Variants in GLCCI1 observed in about 807,000 individuals in gnomAD.
GLCCI1 encodes the protein glucocorticoid induced 1, also known as glucocorticoid-induced transcript 1 protein.
Under a neutral mutation model 52.2 loss-of-function variants are expected in GLCCI1, and 24 were observed. That is an observed-to-expected ratio of 0.46 (90% CI 0.33 to 0.65). The LOEUF (loss-of-function observed/expected upper bound fraction) is 0.65. GLCCI1 is among the 30% of genes least tolerant of loss of function. GLCCI1 has a pLI of 0.02. For synonymous variants in GLCCI1, 310 were observed against 276.5 expected (o/e 1.12, Z -1.20); for missense variants, 704 against 701.5 (o/e 1.00, Z -0.04).
chr7:8,028,569 A>T lies in GLCCI1; in HGVS notation c.696+6000A>T, dbSNP rs551247142. Among the ~76,000 whole-genome samples, 4 of 152,170 alleles carry T rather than the reference A, an allele frequency of 2.6e-5. No individual in the cohort carries two copies. The East Asian group carries it at 7.7e-4, about 29-fold the overall frequency. On this transcript the variant is annotated intron_variant, in intron 3 of 7. Coordinates refer to ENST00000223145, the MANE Select transcript of GLCCI1 (RefSeq NM_138426.4). ...CTTAAAAAGCAGCAAAAGCAAGAGC[A>T]AACCAAACTGAAAATTAGTATAAGA...
intron 6 of GLCCI1, among the ~76,000 whole-genome samples, chr7:8,077,851 C>T (rs1253158823): frequency 2.0e-5 from 3 of 151,986 alleles, no homozygotes; most frequent in Admixed American, 6.6e-5. Context: ...TGAAAGGGCC[C>T]GGTGTGTACA....
In GLCCI1 at chr7:8,045,117, A is replaced by C. The variant is rs1267444286; in HGVS notation, c.697-10316A>C. Among the ~76,000 whole-genome samples the C allele has an allele frequency of 3.9e-5, 6 of 152,320 alleles. No homozygotes were observed. The East Asian group carries it at 1.2e-3, about 29-fold the overall frequency. On this transcript the variant is annotated intron_variant, in intron 3 of 7. Coordinates refer to ENST00000223145, the MANE Select transcript of GLCCI1 (RefSeq NM_138426.4). The stretch of plus-strand genomic sequence containing the variant: ...AAAACTTGTAATATTAAACACTGAA[A>C]CAACTGTGAGCTGGAGGTAAATTTA...
intron 3 of GLCCI1, among the ~76,000 whole-genome samples, chr7:8,028,869 C>A (rs1050113895): frequency 6.6e-6 from 1 of 152,050 alleles, no homozygotes; most frequent in Non-Finnish European, 1.5e-5. Flanking sequence ...TGAATAAATT[C>A]TCAGATACAT....
chr7:8,036,482 C>G (rs1781871296), intron 3 of GLCCI1, among the ~76,000 whole-genome samples: 1 of 152,146 alleles, frequency 6.6e-6, no homozygotes, highest in Non-Finnish European at 1.5e-5. Flanking sequence ...AGAGACAATT[C>G]TGGAAGTATG....
At chr7:8,030,827 G>T (rs1197263298) in intron 3 of GLCCI1, among the ~76,000 whole-genome samples, 1 of 152,046 alleles carries the variant, frequency 6.6e-6, no homozygotes, top group Non-Finnish European at 1.5e-5. Flanking sequence ...GATCAAAACT[G>T]CAATGAGGTA....
At chr7:7,999,212 T>G (rs73242034) in intron 1 of GLCCI1, among the ~76,000 whole-genome samples, 8,042 of 151,946 alleles carry the variant, frequency 0.053, 562 homozygotes, top group African/African-American at 0.15. Flanking sequence ...AAAAGAAAAA[T>G]TAAGTAAATA....
At position 8,055,490 on chromosome 7, in the gene GLCCI1, A is replaced by G; in HGVS notation, c.754A>G (p.Lys252Glu). 6.2e-7 allele frequency: 1 copy of G among 1,614,004 alleles called. No individual in the cohort carries two copies. Among genetic ancestry groups the G allele is most frequent in the South Asian group, 1.1e-5 (1 of 91,080 alleles). Residue 252 changes from lysine to glutamate, a missense_variant, in exon 4 of 8, where the codon AAG becomes GAG. Coordinates refer to ENST00000223145, the MANE Select transcript of GLCCI1 (RefSeq NM_138426.4). ...CAGTAAACAGAGTAGTCGTCACAGT[A>G]AGGAGAAAGATCGCCAGTCACCTCT... ...QRSKQSSRHS[K>E]EKDRQSPLHG...
At chr7:7,975,037 CAT>C (rs938869965) in intron 1 of GLCCI1, among the ~76,000 whole-genome samples, 1 of 152,106 alleles carries the variant, frequency 6.6e-6, no homozygotes, top group African/African-American at 2.4e-5. Context: ...CACAAGTACT[CAT>C]ATATTGATAT....
intron 6 of GLCCI1, among the ~76,000 whole-genome samples, chr7:8,079,726 T>A (rs1562453422): frequency 6.6e-6 from 1 of 151,482 alleles, no homozygotes; most frequent in East Asian, 1.9e-4. Context: ...ACTTATGGAA[T>A]GAGAAGTGAT....
intron 5 of GLCCI1, among the ~76,000 whole-genome samples, chr7:8,064,699 T>A (rs1035415004): frequency 6.6e-6 from 1 of 151,962 alleles, no homozygotes; most frequent in African/African-American, 2.4e-5. Flanking sequence ...ACAGTATGGC[T>A]TTTTATTTTA....
chr7:8,076,603 T>C (rs1305326929), intron 6 of GLCCI1, among the ~76,000 whole-genome samples: 2 of 152,246 alleles, frequency 1.3e-5, no homozygotes, highest in African/African-American at 2.4e-5. Flanking sequence ...CTATGAGTTA[T>C]TATTCATAAT....
chr7:8,039,996 C>CAA (rs58721575), intron 3 of GLCCI1, among the ~76,000 whole-genome samples: 1 of 116,990 alleles, frequency 8.5e-6, no homozygotes. Flanking sequence ...GACTCTGTCT[C>CAA]AAAAAAAAAA....
intron 6 of GLCCI1, among the ~76,000 whole-genome samples, chr7:8,083,096 T>C (rs1439922312): frequency 6.6e-6 from 1 of 152,196 alleles, no homozygotes; most frequent in African/African-American, 2.4e-5. Context: ...AGGCATCTCA[T>C]GCCATATCTA....
chr7:8,034,595 A>T (rs942917837), intron 3 of GLCCI1, among the ~76,000 whole-genome samples: 2 of 152,240 alleles, frequency 1.3e-5, no homozygotes, highest in African/African-American at 4.8e-5. Context: ...GGCTGACAAG[A>T]GACATCAGAC....
At chr7:7,970,913 T>C (rs1264037900) in intron 1 of GLCCI1, among the ~76,000 whole-genome samples, 3 of 140,364 alleles carry the variant, frequency 2.1e-5, no homozygotes, top group Non-Finnish European at 4.6e-5. Context: ...AGTCTGTACA[T>C]TGTTTATGTG....
intron 1 of GLCCI1, among the ~76,000 whole-genome samples, chr7:7,972,491 C>T (rs1206697339): frequency 6.6e-6 from 1 of 152,178 alleles, no homozygotes; most frequent in Non-Finnish European, 1.5e-5. Context: ...GGTGACATAA[C>T]TGAGCATTCA....
chr7:7,969,117 G>C lies in GLCCI1; in HGVS notation c.-234G>C, dbSNP rs1436231680. 1 of 242,400 alleles carries C rather than the reference G, an allele frequency of 4.1e-6. No homozygotes were observed. The highest frequency in any genetic ancestry group is 7.4e-6 in the Non-Finnish European group (1 of 135,580). 15.0% of individuals were successfully genotyped at this position (242,400 alleles called of 1,614,324 possible). A position where few individuals can be genotyped will look rare whatever the true frequency, so the allele number is the denominator to read the frequency against. On this transcript the variant is annotated 5_prime_UTR_variant, in exon 1 of 8. Coordinates refer to ENST00000223145, the MANE Select transcript of GLCCI1 (RefSeq NM_138426.4). This position sits in a 1 kb window ranked among gnomAD's most constrained non-coding sequence, Gnocchi z 4.9. ...CGTGACCGCCACACCGAGCCCAGCC[G>C]GGCGGTTGCGGCCGTTGGACGTTTG...
At chr7:7,990,482 T>C (rs1445703145) in intron 1 of GLCCI1, among the ~76,000 whole-genome samples, 1 of 152,136 alleles carries the variant, frequency 6.6e-6, no homozygotes, top group Non-Finnish European at 1.5e-5. Flanking sequence ...GCCCTACACT[T>C]GTTTATGCTG....
chr7:8,070,783 C>G (rs1315840157), intron 5 of GLCCI1, 138 bp from the exon 6 acceptor site: 8 of 674,890 alleles, frequency 1.2e-5, no homozygotes, highest in Admixed American at 2.9e-5. Context: ...GCTTAAGACA[C>G]AAGCTTGGTC....
Sources: allele counts gnomAD v4.1 joint callset (sites outside exome capture counted in the v4.1 genomes callset), GRCh38; gene constraint gnomAD v4.1.1; non-coding constraint Gnocchi (gnomAD v3.1); transcripts MANE v1.5; gene names NCBI Gene and HGNC (gene_info 2026-07-23, HGNC 2026-07-21).